The following ATP13A4 variants were observed in gnomAD, a reference collection of about 807,000 sequenced individuals.
ATP13A4 encodes probable cation-transporting ATPase 13A4.
ATP13A4 carries 114 observed loss-of-function variants against 142.5 expected under a neutral mutation model. The ratio of observed to expected loss-of-function variants is 0.80; its 90% confidence interval spans 0.69 to 0.93. The LOEUF (loss-of-function observed/expected upper bound fraction) is 0.93, where lower values mean the gene tolerates loss of function less well. Ranked by LOEUF, ATP13A4 falls within the 40% of genes least tolerant of loss-of-function variation. The pLI, the probability that ATP13A4 is intolerant of heterozygous loss-of-function variation, is 0.00. For synonymous variants in ATP13A4, 488 were observed against 514.8 expected (o/e 0.95, Z 0.70); for missense variants, 1,392 against 1,454.0 (o/e 0.96, Z 0.69).
intron 7 of ATP13A4, among the ~76,000 whole-genome samples, chr3:193,485,237 A>G (rs774806558): frequency 6.6e-6 from 1 of 151,964 alleles, no homozygotes; most frequent in African/African-American, 2.4e-5. Context: ...AGCAAGGGAG[A>G]TGCTGGGTGA....
At chr3:193,573,596 T>C (rs566862613) in intron 2 of ATP13A4, among the ~76,000 whole-genome samples, 265 of 152,038 alleles carry the variant, frequency 1.7e-3, no homozygotes, top group Middle Eastern at 0.014. Context: ...ATAGTTTTTC[T>C]CCACTCGAGG....
chr3:193,531,403 A>AAAGG (rs1026727475), intron 1 of ATP13A4, among the ~76,000 whole-genome samples: 46 of 141,884 alleles, frequency 3.2e-4, no homozygotes, highest in East Asian at 1.0e-3. Flanking sequence ...GAGGGAAGGG[A>AAAGG]AAGGAAGGAA....
At chr3:193,461,826 A>T (rs959356180) in intron 13 of ATP13A4, among the ~76,000 whole-genome samples, 2 of 152,184 alleles carry the variant, frequency 1.3e-5, no homozygotes, top group African/African-American at 4.8e-5. Context: ...GCGGGCAGAG[A>T]CGCAAACTCA....
intron 1 of ATP13A4, among the ~76,000 whole-genome samples, chr3:193,550,539 C>T (rs1352842423): frequency 6.6e-6 from 1 of 152,120 alleles, no homozygotes; most frequent in Non-Finnish European, 1.5e-5. Context: ...CTCCTGGGCT[C>T]AAGCAATCTG....
chr3:193,519,657 T>TA (rs1560251867), intron 1 of ATP13A4, among the ~76,000 whole-genome samples: 1 of 102,416 alleles, frequency 9.8e-6, no homozygotes, highest in Non-Finnish European at 1.9e-5. Context: ...TTTTTTTTTT[T>TA]AGACAGAATC....
upstream of ATP13A4, chr3:193,555,268 C>T (rs538014592): frequency 3.5e-4 from 87 of 246,088 alleles, no homozygotes; most frequent in African/African-American, 1.7e-3. Context: ...TTGGGTTGAG[C>T]GGAAGCGCAC....
chr3:193,541,189 CA>C lies in ATP13A4; in HGVS notation c.60+13550del, dbSNP rs1722890821. On this transcript the variant is annotated intron_variant, in intron 1 of 29. Coordinates refer to ENST00000342695, the MANE Select transcript of ATP13A4 (RefSeq NM_032279.4). ...GCGTGAACCCGGGAGGCGGAGCTTG[CA>C]GTGAGCCGAGATCGAGCCACTGCAC... is the stretch of plus-strand genomic sequence containing the variant. Among the ~76,000 whole-genome samples, 3 of 140,796 alleles carry C rather than the reference CA, an allele frequency of 2.1e-5. No homozygotes were observed. The Admixed American group carries it at 2.3e-4, about 11-fold the overall frequency. 92.4% of individuals were successfully genotyped at this position (140,796 alleles called of 152,430 possible). A position where few individuals can be genotyped will look rare whatever the true frequency, so the allele number is the denominator to read the frequency against.
At chr3:193,474,182 G>A (rs1303368138) in intron 8 of ATP13A4, among the ~76,000 whole-genome samples, 3 of 151,820 alleles carry the variant, frequency 2.0e-5, no homozygotes, top group Non-Finnish European at 4.4e-5. Flanking sequence ...AGCTGGGCAT[G>A]GTGGCACGTG....
At chr3:193,578,296 AATATCTATATCT>A (rs60425298) in intron 2 of ATP13A4, among the ~76,000 whole-genome samples, 6,774 of 146,354 alleles carry the variant, frequency 0.046, 168 homozygotes, top group Middle Eastern at 0.067. Context: ...CCATCTCAGA[AATATCTATATCT>A]ATATCTATAT....
At chr3:193,577,031 G>A (rs1241839085) in intron 2 of ATP13A4, among the ~76,000 whole-genome samples, 1 of 152,092 alleles carries the variant, frequency 6.6e-6, no homozygotes, top group Admixed American at 6.5e-5. Context: ...AGAACCTCAG[G>A]GTCATTGTTG....
intron 2 of ATP13A4, 23 bp downstream of exon 2, chr3:193,514,675 G>C (rs902612675): frequency 6.3e-7 from 1 of 1,593,876 alleles, no homozygotes. Context: ...GGGCACCAGC[G>C]ACATAACCAG....
At chr3:193,488,959 G>C (rs1352171937) in intron 7 of ATP13A4, among the ~76,000 whole-genome samples, 1 of 152,172 alleles carries the variant, frequency 6.6e-6, no homozygotes, top group Non-Finnish European at 1.5e-5. Context: ...TGGAATGAGA[G>C]TTCAGGGAAG....
chr3:193,478,718 A>T (rs1447538342), intron 8 of ATP13A4, among the ~76,000 whole-genome samples: 1 of 152,168 alleles, frequency 6.6e-6, no homozygotes, highest in East Asian at 1.9e-4. Flanking sequence ...AATTCTATTG[A>T]CACTATTCCA....
At chr3:193,402,992 C>T in intron 29 of ATP13A4, 128 bp from the exon 30 acceptor site, 1 of 832,318 alleles carries the variant, frequency 1.2e-6, no homozygotes, top group South Asian at 1.5e-5. Flanking sequence ...AGCTTGACCA[C>T]TGGACCAATC....
At chr3:193,481,197 C>G (rs1434307818) in intron 8 of ATP13A4, among the ~76,000 whole-genome samples, 1 of 152,118 alleles carries the variant, frequency 6.6e-6, no homozygotes, top group Non-Finnish European at 1.5e-5. Flanking sequence ...GTGATGGCTG[C>G]ACCAAAATCT....
At chr3:193,417,726 C>A (rs528787870) in intron 25 of ATP13A4, among the ~76,000 whole-genome samples, 1 of 137,184 alleles carries the variant, frequency 7.3e-6, no homozygotes, top group African/African-American at 2.7e-5. Flanking sequence ...TGGCTCATGC[C>A]TGTAATCCCA....
chr3:193,541,174 G>A (rs1478408672), intron 1 of ATP13A4, among the ~76,000 whole-genome samples: 3 of 149,796 alleles, frequency 2.0e-5, no homozygotes, highest in Non-Finnish European at 4.5e-5. Context: ...GCGTGAACCC[G>A]GGAGGCGGAG....
chr3:193,530,829 T>C (rs1283653768), intron 1 of ATP13A4, among the ~76,000 whole-genome samples: 2 of 152,192 alleles, frequency 1.3e-5, no homozygotes, highest in Non-Finnish European at 2.9e-5. Context: ...TCTTTACATC[T>C]CTTTAGAACA....
chr3:193,414,683 A>G lies in ATP13A4; in HGVS notation c.2910T>C (p.Pro970=). 6.2e-7 allele frequency: 1 copy of G among 1,614,192 alleles called. No homozygotes were observed. Among genetic ancestry groups the G allele is most frequent in the Non-Finnish European group, 8.5e-7 (1 of 1,180,034 alleles). The change falls in exon 26 of 30, where the codon CCT becomes CCC. Residue 970 remains proline, a synonymous_variant. Coordinates refer to ENST00000342695, the MANE Select transcript of ATP13A4 (RefSeq NM_032279.4). ...FRPAGRLISP[P]LLLSVIFNIL... The stretch of plus-strand genomic sequence containing the variant: ...TGTTGAAAATCACAGAGAGTAGCAG[A>G]GGTGGAGAGATCAGCCGTCCTGCAG...
Sources: gnomAD v4.1 joint callset for allele counts (sites outside exome capture counted in the v4.1 genomes callset) on GRCh38, gnomAD v4.1.1 for gene constraint, MANE v1.5 for transcripts, NCBI Gene and HGNC (gene_info 2026-07-23, HGNC 2026-07-21) for gene names.